HSPBP1: variants seen among roughly 807,000 people sequenced by gnomAD.
HSPBP1 encodes HSPA (Hsp70) binding protein 1.
A neutral mutation model predicts 41.7 loss-of-function variants in HSPBP1; 31 were observed. That is an observed-to-expected ratio of 0.74 (90% CI 0.56 to 1.00). HSPBP1 has a LOEUF of 1.00. Among genes scored for constraint, HSPBP1 ranks in the 50% least tolerant of loss-of-function variants. HSPBP1 has a pLI of 0.00. For synonymous variants in HSPBP1, 199 were observed against 214.4 expected (o/e 0.93, Z 0.63); for missense variants, 439 against 487.9 (o/e 0.90, Z 0.94).
Position 55,268,859 on chromosome 19 carries a change from C to A in HSPBP1, c.641-2573G>T, listed in dbSNP as rs1468548696. Among the ~76,000 whole-genome samples, 5 of 152,028 alleles carry A rather than the reference C, an allele frequency of 3.3e-5. No homozygotes were observed. In the East Asian group the frequency reaches 7.7e-4, roughly 23 times the overall value. ...AATTTTTTGGTATTTTTAGTAGAGA[C>A]AGGGTGTCACCATGTTGGCCAGGCT... On this transcript the variant is annotated intron_variant, in intron 4 of 7. Coordinates refer to ENST00000433386, the MANE Select transcript of HSPBP1 (RefSeq NM_012267.5). The surrounding 1 kb of genome is among the most constrained non-coding windows in gnomAD (Gnocchi z 4.5).
At chr19:55,264,220 G>C (rs926125477) in intron 7 of HSPBP1, among the ~76,000 whole-genome samples, 1 of 152,112 alleles carries the variant, frequency 6.6e-6, no homozygotes, top group African/African-American at 2.4e-5. Context: ...GCCTGCCTCG[G>C]CCTCCCAAAG....
chr19:55,277,590 C>T, intron 3 of HSPBP1, 52 bp downstream of exon 3: 1 of 1,539,150 alleles, frequency 6.5e-7, no homozygotes, highest in Non-Finnish European at 8.8e-7. Context: ...AGCTGAGAGG[C>T]AGCAGGACAT....
At chr19:55,264,787 A>G in intron 7 of HSPBP1, among the ~76,000 whole-genome samples, 1 of 152,192 alleles carries the variant, frequency 6.6e-6, no homozygotes, top group East Asian at 1.9e-4. Flanking sequence ...CACGGGACGA[A>G]TGCTAGGCAT....
intron 3 of HSPBP1, among the ~76,000 whole-genome samples, chr19:55,274,867 G>A (rs1452734889): frequency 1.3e-5 from 2 of 152,152 alleles, no homozygotes; most frequent in Non-Finnish European, 2.9e-5. Flanking sequence ...AACATGGAGG[G>A]AGGACACAAA....
chr19:55,272,293 G>A lies in HSPBP1; in HGVS notation c.640+2105C>T, dbSNP rs1200932957. On this transcript the variant is annotated intron_variant, in intron 4 of 7. Coordinates refer to ENST00000433386, the MANE Select transcript of HSPBP1 (RefSeq NM_012267.5). This position sits in a 1 kb window ranked among gnomAD's most constrained non-coding sequence, Gnocchi z 4.2. ...AAGAGGCAGGGCACGGTGGACCCAC[G>A]CAACAGGACACATTCAGCCGCGGGA... 2.0e-5 allele frequency among the ~76,000 whole-genome samples: 3 copies of A among 152,090 alleles called. No homozygotes were observed. The highest frequency in any genetic ancestry group is 6.6e-5 in the Admixed American group (1 of 15,262).
At chr19:55,271,863 T>C (rs370429556) in intron 4 of HSPBP1, among the ~76,000 whole-genome samples, 2 of 152,114 alleles carry the variant, frequency 1.3e-5, no homozygotes, top group African/African-American at 4.8e-5. Flanking sequence ...GAGACCAGAC[T>C]GGCCAACAGG....
chr19:55,279,560 G>A lies in HSPBP1; in HGVS notation c.49C>T (p.Pro17Ser). Reference protein sequence around the residue: ...RGSRLPLALPPASQGCSSGGG... With the variant: ...RGSRLPLALPSASQGCSSGGG... The stretch of plus-strand genomic sequence containing the variant: ...CCTGAAGAGCAACCCTGGGAGGCCG[G>A]GGGCAGCGCCAGGGGCAGGCGGCTC... The change falls in exon 2 of 8, where the codon CCG becomes TCG. Residue 17 changes from proline to serine, a missense_variant. By Grantham distance (74) the Pro-to-Ser change is moderately conservative. Transcript: ENST00000433386. The A allele has an allele frequency of 6.2e-7, 1 of 1,608,368 alleles. No individual in the cohort carries two copies. Among genetic ancestry groups the A allele is most frequent in the Non-Finnish European group, 8.5e-7 (1 of 1,177,846 alleles).
chr19:55,275,159 T>C (rs35759033), intron 3 of HSPBP1, among the ~76,000 whole-genome samples: 17,889 of 152,104 alleles, frequency 0.12, 1,192 homozygotes, highest in Middle Eastern at 0.2. Context: ...TTTGGGGCAT[T>C]AGGGCCCCAG....
chr19:55,267,852 C>A (rs1321180110), intron 4 of HSPBP1, among the ~76,000 whole-genome samples: 2 of 152,176 alleles, frequency 1.3e-5, no homozygotes, highest in East Asian at 1.9e-4. Context: ...AAGAGCCAGG[C>A]TACACAGCAT....
rs1187757314 is a variant in HSPBP1 at position 55,268,860 on chromosome 19, AG to A, written c.641-2575del. On this transcript the variant is annotated intron_variant, in intron 4 of 7. Transcript: ENST00000433386. This position sits in a 1 kb window ranked among gnomAD's most constrained non-coding sequence, Gnocchi z 4.5. ...ATTTTTTGGTATTTTTAGTAGAGACAGGGTGTCACCATGTTGGCCAGGCTGG... is the reference window on the plus strand; with the variant it reads ...ATTTTTTGGTATTTTTAGTAGAGACAGGTGTCACCATGTTGGCCAGGCTGG... Among the ~76,000 whole-genome samples, 2 of 152,108 alleles carry A rather than the reference AG, an allele frequency of 1.3e-5. No homozygotes were observed. The highest frequency in any genetic ancestry group is 3.9e-4 in the East Asian group (2 of 5,188).
At chr19:55,273,056 C>A (rs755157837) in intron 4 of HSPBP1, among the ~76,000 whole-genome samples, 1 of 152,182 alleles carries the variant, frequency 6.6e-6, no homozygotes, top group Non-Finnish European at 1.5e-5. Context: ...GAGATGCAAT[C>A]ATGGCTCACT....
chr19:55,274,651 C>T, intron 3 of HSPBP1, 29 bp from the exon 4 acceptor site: 1 of 1,577,684 alleles, frequency 6.3e-7, no homozygotes, highest in East Asian at 2.3e-5. Flanking sequence ...CAGAGAGAGG[C>T]CAGATGTTAG....
intron 4 of HSPBP1, among the ~76,000 whole-genome samples, chr19:55,267,249 C>G (rs2087811510): frequency 6.6e-6 from 1 of 152,160 alleles, no homozygotes; most frequent in Admixed American, 6.6e-5. Context: ...CTCGCAGGTT[C>G]AAACTATTCT....
intron 3 of HSPBP1, among the ~76,000 whole-genome samples, chr19:55,274,973 A>G (rs944097400): frequency 2.6e-5 from 4 of 152,104 alleles, no homozygotes; most frequent in African/African-American, 9.7e-5. Context: ...GCCGTGAGAA[A>G]ATACATTTCT....
intron 4 of HSPBP1, among the ~76,000 whole-genome samples, 192 bp from the exon 5 acceptor site, chr19:55,266,478 T>C (rs111594432): frequency 8.2e-3 from 6 of 734 alleles, no homozygotes; most frequent in Admixed American, 0.015. Flanking sequence ...ACCACCATCC[T>C]CACCACCACC....
Position 55,268,182 on chromosome 19 carries a change from G to A in HSPBP1, c.641-1896C>T, listed in dbSNP as rs1452258099. On this transcript the variant is annotated intron_variant, in intron 4 of 7. Coordinates refer to ENST00000433386, the MANE Select transcript of HSPBP1 (RefSeq NM_012267.5). The surrounding 1 kb of genome is among the most constrained non-coding windows in gnomAD (Gnocchi z 4.5). The stretch of plus-strand genomic sequence containing the variant: ...GCGGTGGCTCATGCCTGTAATCCCA[G>A]CACTTTGGGAGGCCGAGGTGGGCAG... Among the ~76,000 whole-genome samples, 1 of 152,178 alleles carries A rather than the reference G, an allele frequency of 6.6e-6. No homozygotes were observed. Among genetic ancestry groups the A allele is most frequent in the Non-Finnish European group, 1.5e-5 (1 of 68,036 alleles).
In HSPBP1 at chr19:55,273,969, C is replaced by T. The variant is rs2122861724; in HGVS notation, c.640+429G>A. Among the ~76,000 whole-genome samples the T allele has an allele frequency of 1.3e-5, 2 of 151,852 alleles. 1 individual carries two copies. The highest frequency in any genetic ancestry group is 6.8e-3 in the Middle Eastern group (2 of 294). On this transcript the variant is annotated intron_variant, in intron 4 of 7. Transcript: ENST00000433386. ...ATTCATGTACAGCAGGGGTTCTGAC[C>T]AAGGGGCTTTCTACATCTAGGGGCA...
chr19:55,265,756 G>T (rs772202558), intron 6 of HSPBP1, 130 bp downstream of exon 6: 9 of 633,986 alleles, frequency 1.4e-5, no homozygotes, highest in Middle Eastern at 2.5e-4. Context: ...CTCCTTTCTG[G>T]CCCCACACCC....
intron 7 of HSPBP1, among the ~76,000 whole-genome samples, chr19:55,264,128 C>T (rs1484209457): frequency 6.6e-6 from 1 of 152,094 alleles, no homozygotes; most frequent in Non-Finnish European, 1.5e-5. Flanking sequence ...CCACTATGCC[C>T]AGCTAATTTT....
Sources: gnomAD v4.1 joint callset for allele counts (sites outside exome capture counted in the v4.1 genomes callset) on GRCh38, gnomAD v4.1.1 for gene constraint, Gnocchi (gnomAD v3.1) non-coding constraint, MANE v1.5 for transcripts, NCBI Gene and HGNC (gene_info 2026-07-23, HGNC 2026-07-21) for gene names.